KCNMA1: variants seen among roughly 807,000 people sequenced by gnomAD.
The protein encoded by KCNMA1 is potassium calcium-activated channel subfamily M alpha 1, also known as Calcium-activated potassium channel subunit alpha-1.
A neutral mutation model predicts 140.0 loss-of-function variants in KCNMA1; 29 were observed. That is an observed-to-expected ratio of 0.21 (90% CI 0.15 to 0.28). KCNMA1 has a LOEUF of 0.28. Among genes scored for constraint, KCNMA1 ranks in the 10% least tolerant of loss-of-function variants. The probability of loss-of-function intolerance (pLI) is 1.00; values close to 1 mark genes in which losing one functional copy is unlikely to be tolerated. For missense variants in KCNMA1, 880 were observed against 1,602.2 expected (o/e 0.55, Z 7.70); for synonymous variants, 612 against 611.9 (o/e 1.00, Z 0.00).
intron 1 of KCNMA1, among the ~76,000 whole-genome samples, chr10:77,424,635 G>A (rs771626918): frequency 6.6e-6 from 1 of 152,116 alleles, no homozygotes; most frequent in Admixed American, 6.5e-5. Context: ...GATCTCTCAG[G>A]GGAAACAGAC....
chr10:77,104,926 A>G (rs1375966609), intron 9 of KCNMA1, among the ~76,000 whole-genome samples: 1 of 152,204 alleles, frequency 6.6e-6, no homozygotes, highest in Non-Finnish European at 1.5e-5. Flanking sequence ...CACAAAGGAA[A>G]GGAGGAGGAG....
chr10:77,155,816 C>T (rs2154067773), intron 5 of KCNMA1, among the ~76,000 whole-genome samples: 1 of 152,196 alleles, frequency 6.6e-6, no homozygotes. Flanking sequence ...TGTCACAAAA[C>T]CCTGACACAG....
intron 1 of KCNMA1, among the ~76,000 whole-genome samples, chr10:77,504,975 C>A (rs1051118381): frequency 6.6e-5 from 10 of 152,106 alleles, no homozygotes; most frequent in Non-Finnish European, 1.3e-4. Flanking sequence ...CTGGAAAGTC[C>A]AAATCCAGGA....
intron 18 of KCNMA1, among the ~76,000 whole-genome samples, chr10:77,003,629 T>C (rs773987790): frequency 3.3e-5 from 5 of 152,208 alleles, no homozygotes; most frequent in African/African-American, 1.2e-4. Flanking sequence ...ACAATTTTTT[T>C]AATCAAATGC....
At chr10:77,354,082 G>A (rs1162737589) in intron 2 of KCNMA1, among the ~76,000 whole-genome samples, 1 of 151,974 alleles carries the variant, frequency 6.6e-6, no homozygotes, top group Non-Finnish European at 1.5e-5. Context: ...CGCCTCCTGG[G>A]TTCAAGCGAT....
chr10:77,069,244 T>C (rs1262878232), intron 14 of KCNMA1, among the ~76,000 whole-genome samples: 1 of 152,140 alleles, frequency 6.6e-6, no homozygotes, highest in Admixed American at 6.5e-5. Flanking sequence ...GAACAGCATG[T>C]TCCAGGGCTG....
chr10:77,218,076 G>A lies in KCNMA1; in HGVS notation c.602+33119C>T, dbSNP rs192848413. Among the ~76,000 whole-genome samples the A allele has an allele frequency of 3.0e-3, 453 of 152,216 alleles. 7 individuals carry two copies. Among genetic ancestry groups the A allele is most frequent in the Middle Eastern group, 3.4e-3 (1 of 294 alleles). On this transcript the variant is annotated intron_variant, in intron 3 of 27. Transcript: ENST00000286628. Reference sequence around the variant, plus strand: ...ACCACTATTGAAGGAGATTATTTGCGTGGGTGGGGAAGTTCAGAGGAGATA... The same window carrying A: ...ACCACTATTGAAGGAGATTATTTGCATGGGTGGGGAAGTTCAGAGGAGATA...
chr10:77,599,493 GT>G (rs1287053546), intron 1 of KCNMA1, among the ~76,000 whole-genome samples: 1 of 152,148 alleles, frequency 6.6e-6, no homozygotes, highest in Non-Finnish European at 1.5e-5. Flanking sequence ...AGGGTGCAAG[GT>G]TGAATAAGAG....
chr10:77,456,243 G>A (rs697171), intron 1 of KCNMA1, among the ~76,000 whole-genome samples: 24,856 of 152,124 alleles, frequency 0.16, 2,173 homozygotes, highest in Admixed American at 0.21. Context: ...TCCCACCCCA[G>A]GGACTTTGCA....
At chr10:77,501,778 A>T (rs2043996483) in intron 1 of KCNMA1, among the ~76,000 whole-genome samples, 1 of 152,188 alleles carries the variant, frequency 6.6e-6, no homozygotes. Flanking sequence ...GGGTGGGAGC[A>T]GGGGCAGGCA....
intron 2 of KCNMA1, among the ~76,000 whole-genome samples, chr10:77,341,209 G>T (rs1027800732): frequency 6.6e-6 from 1 of 152,174 alleles, no homozygotes; most frequent in Non-Finnish European, 1.5e-5. Flanking sequence ...TAGAATTGTT[G>T]CAAAGATTAA....
At position 77,036,893 on chromosome 10, in the gene KCNMA1, G is replaced by A. The variant is rs140074568; in HGVS notation, c.1859+2635C>T. 5.6e-4 allele frequency among the ~76,000 whole-genome samples: 85 copies of A among 152,266 alleles called. 1 individual carries two copies. Among genetic ancestry groups the A allele is most frequent in the African/African-American group, 2.0e-3 (83 of 41,544 alleles). On this transcript the variant is annotated intron_variant, in intron 15 of 27. Transcript: ENST00000286628. ...TCAAATGCTTGAGGAGAGCTTCAAT[G>A]TTTTGGGATGTTCCTAAATCTCATT... is the stretch of plus-strand genomic sequence containing the variant.
chr10:77,520,032 TG>T (rs2052385376), intron 1 of KCNMA1, among the ~76,000 whole-genome samples: 1 of 22,242 alleles, frequency 4.5e-5, no homozygotes, highest in Non-Finnish European at 7.0e-5. Flanking sequence ...GTATGCAGTG[TG>T]AGGGTGTGCA....
At position 77,336,650 on chromosome 10, in the gene KCNMA1, G is replaced by A. The variant is rs575438659; in HGVS notation, c.540+67212C>T. Reference sequence around the variant, plus strand: ...ACCAAATTCTACTCAATTTCAAATGGCTGTCATTTTTAAGCTCCACCAATT... The same window carrying A: ...ACCAAATTCTACTCAATTTCAAATGACTGTCATTTTTAAGCTCCACCAATT... On this transcript the variant is annotated intron_variant, in intron 2 of 27. Coordinates refer to ENST00000286628, the MANE Select transcript of KCNMA1 (RefSeq NM_001161352.2). Among the ~76,000 whole-genome samples the A allele has an allele frequency of 2.0e-5, 3 of 152,228 alleles. No individual in the cohort carries two copies. In the East Asian group the frequency reaches 5.8e-4, roughly 29 times the overall value.
chr10:77,499,430 C>A (rs1362292657), intron 1 of KCNMA1, among the ~76,000 whole-genome samples: 1 of 136,616 alleles, frequency 7.3e-6, no homozygotes, highest in African/African-American at 3.2e-5. Flanking sequence ...TATACACACA[C>A]ACACATACAC....
intron 2 of KCNMA1, among the ~76,000 whole-genome samples, chr10:77,324,967 C>G (rs200971037): frequency 0.19 from 17,690 of 95,168 alleles, 1,187 homozygotes; most frequent in East Asian, 0.3. Context: ...CTCTCTCTCT[C>G]TCTCTGTGTG....
chr10:77,055,010 C>T (rs996453580), intron 14 of KCNMA1, among the ~76,000 whole-genome samples: 1 of 152,024 alleles, frequency 6.6e-6, no homozygotes, highest in Non-Finnish European at 1.5e-5. Flanking sequence ...ATTGAATATG[C>T]TAAAAAGCCA....
In KCNMA1 at chr10:77,407,443, A is replaced by C. The variant is rs1429269793; in HGVS notation, c.379-3420T>G. Among the ~76,000 whole-genome samples, 5 of 152,226 alleles carry C rather than the reference A, an allele frequency of 3.3e-5. No individual in the cohort carries two copies. In the East Asian group the frequency reaches 9.6e-4, roughly 29 times the overall value. On this transcript the variant is annotated intron_variant, in intron 1 of 27. Transcript: ENST00000286628. ...ATAAGAGTGTTGGCCACCATTGAACAAGCCAGAACTAGGTGCCAGCAACTA... is the reference window on the plus strand; with the variant it reads ...ATAAGAGTGTTGGCCACCATTGAACCAGCCAGAACTAGGTGCCAGCAACTA...
chr10:77,070,719 C>T (rs1428295435), intron 14 of KCNMA1, among the ~76,000 whole-genome samples: 3 of 152,072 alleles, frequency 2.0e-5, no homozygotes, highest in Non-Finnish European at 4.4e-5. Flanking sequence ...CTTTGTGATC[C>T]CTGGAATGGG....
Sources: allele counts gnomAD v4.1 joint callset (sites outside exome capture counted in the v4.1 genomes callset), GRCh38; gene constraint gnomAD v4.1.1; transcripts MANE v1.5; gene names NCBI Gene and HGNC (gene_info 2026-07-23, HGNC 2026-07-21).